GRIA1: variants seen among roughly 807,000 people sequenced by gnomAD.
The protein encoded by GRIA1 is glutamate receptor 1.
In GRIA1, 31 loss-of-function variants were observed where a neutral mutation model predicts 99.2. The observed-to-expected ratio is 0.31, with a 90% CI of 0.23 to 0.42. The LOEUF is 0.42. Among genes scored for constraint, GRIA1 ranks in the 10% least tolerant of loss-of-function variants. The pLI is 1.00. For synonymous variants in GRIA1, 438 were observed against 432.4 expected (o/e 1.01, Z -0.16); for missense variants, 782 against 1,157.5 (o/e 0.68, Z 4.71).
At chr5:153,807,400 G>A (rs946707176) in intron 15 of GRIA1, among the ~76,000 whole-genome samples, 3 of 152,232 alleles carry the variant, frequency 2.0e-5, no homozygotes, top group Non-Finnish European at 4.4e-5. Flanking sequence ...AATGCCCAGT[G>A]CTGTCAAGTA....
chr5:153,714,954 C>T (rs1208175189), intron 11 of GRIA1, among the ~76,000 whole-genome samples: 2 of 152,220 alleles, frequency 1.3e-5, no homozygotes, highest in East Asian at 1.9e-4. Flanking sequence ...GAAGGAGAAA[C>T]GGCCTCAAAA....
chr5:153,524,829 TGTAATATA>T (rs1757459788), intron 2 of GRIA1, among the ~76,000 whole-genome samples: 1 of 152,218 alleles, frequency 6.6e-6, no homozygotes, highest in Non-Finnish European at 1.5e-5. Context: ...CCAGTGAACC[TGTAATATA>T]GTAAGATCCT....
chr5:153,523,587 C>T (rs1051991079), intron 2 of GRIA1, among the ~76,000 whole-genome samples: 5 of 151,984 alleles, frequency 3.3e-5, no homozygotes, highest in African/African-American at 1.2e-4. Context: ...TCATATTGAT[C>T]TAAATTTCAG....
At chr5:153,564,372 T>A (rs1002737104) in intron 2 of GRIA1, among the ~76,000 whole-genome samples, 1 of 152,164 alleles carries the variant, frequency 6.6e-6, no homozygotes, top group Non-Finnish European at 1.5e-5. Flanking sequence ...AAGAACCTGG[T>A]ATTTGGAATC....
At chr5:153,684,933 G>C (rs1757239266) in intron 7 of GRIA1, among the ~76,000 whole-genome samples, 1 of 152,018 alleles carries the variant, frequency 6.6e-6, no homozygotes, top group Admixed American at 6.6e-5. Context: ...TGACAAGAGG[G>C]TCAACCTCGA....
chr5:153,782,459 G>T (rs1561856905), intron 13 of GRIA1, among the ~76,000 whole-genome samples: 1 of 152,128 alleles, frequency 6.6e-6, no homozygotes, highest in South Asian at 2.1e-4. Flanking sequence ...TAGGAATGTT[G>T]TCACATATTC....
At chr5:153,690,929 C>G (rs1485267191) in intron 8 of GRIA1, among the ~76,000 whole-genome samples, 1 of 152,140 alleles carries the variant, frequency 6.6e-6, no homozygotes, top group Non-Finnish European at 1.5e-5. Context: ...CAAGGGTGAC[C>G]TAGTTGTACT....
At chr5:153,595,724 A>G (rs1243071036) in intron 2 of GRIA1, among the ~76,000 whole-genome samples, 1 of 148,490 alleles carries the variant, frequency 6.7e-6, no homozygotes. Flanking sequence ...AAAAAGCAAG[A>G]TATGAGTTAA....
At chr5:153,573,446 T>C (rs1278890598) in intron 2 of GRIA1, among the ~76,000 whole-genome samples, 1 of 152,218 alleles carries the variant, frequency 6.6e-6, no homozygotes, top group Non-Finnish European at 1.5e-5. Flanking sequence ...GTTTCCAATA[T>C]GTAGTCAGCA....
Position 153,665,643 on chromosome 5 carries a change from T to C in GRIA1, c.700-8857T>C, listed in dbSNP as rs62384414. Reference sequence around the variant, plus strand: ...ACACATATCCATATTCATGCGCACATACCTGTGTGATCATAGAATTGTAGA... The same window carrying C: ...ACACATATCCATATTCATGCGCACACACCTGTGTGATCATAGAATTGTAGA... On this transcript the variant is annotated intron_variant, in intron 5 of 15. Coordinates refer to ENST00000285900, the MANE Select transcript of GRIA1 (RefSeq NM_000827.4). 1.9e-3 allele frequency among the ~76,000 whole-genome samples: 296 copies of C among 152,334 alleles called. 1 individual carries two copies. The highest frequency in any genetic ancestry group is 3.4e-3 in the Middle Eastern group (1 of 294).
chr5:153,756,982 G>A (rs1762875130), intron 11 of GRIA1, among the ~76,000 whole-genome samples: 1 of 152,064 alleles, frequency 6.6e-6, no homozygotes, highest in African/African-American at 2.4e-5. Context: ...CACCAATGAG[G>A]GACCCTAAAG....
chr5:153,711,958 C>T (rs1181691561), intron 11 of GRIA1, among the ~76,000 whole-genome samples: 1 of 152,182 alleles, frequency 6.6e-6, no homozygotes, highest in Non-Finnish European at 1.5e-5. Context: ...GATAATTACT[C>T]TCAGGAGAAG....
intron 2 of GRIA1, among the ~76,000 whole-genome samples, chr5:153,538,395 G>A (rs1561622836): frequency 6.6e-6 from 1 of 152,124 alleles, no homozygotes; most frequent in African/African-American, 2.4e-5. Context: ...GAAGCAATGT[G>A]AAACAAAGAC....
intron 2 of GRIA1, among the ~76,000 whole-genome samples, chr5:153,637,858 G>A (rs2910263): frequency 0.45 from 67,766 of 152,042 alleles, 17,188 homozygotes; most frequent in Non-Finnish European, 0.58. Flanking sequence ...TAACAGCACC[G>A]TGCAATTTTC....
intron 2 of GRIA1, among the ~76,000 whole-genome samples, chr5:153,518,274 CTACT>C (rs149368509): frequency 0.12 from 18,444 of 152,032 alleles, 1,247 homozygotes; most frequent in African/African-American, 0.19. Context: ...CCCATTTTGC[CTACT>C]TACTTGTATT....
chr5:153,733,943 T>C (rs540640721), intron 11 of GRIA1, among the ~76,000 whole-genome samples: 6 of 152,290 alleles, frequency 3.9e-5, no homozygotes, highest in Non-Finnish European at 7.4e-5. Context: ...CAACAATGGA[T>C]AACTTATCCA....
intron 7 of GRIA1, among the ~76,000 whole-genome samples, 189 bp from the exon 8 acceptor site, chr5:153,686,036 T>C (rs1230318945): frequency 3.3e-5 from 5 of 152,104 alleles, no homozygotes; most frequent in Non-Finnish European, 5.9e-5. Flanking sequence ...GAATCCCAAT[T>C]TAGGGAAAAG....
chr5:153,734,276 C>T (rs1034177315), intron 11 of GRIA1, among the ~76,000 whole-genome samples: 3 of 152,162 alleles, frequency 2.0e-5, no homozygotes, highest in Non-Finnish European at 4.4e-5. Flanking sequence ...AGCAGGTGCT[C>T]AATAAGTATT....
intron 11 of GRIA1, among the ~76,000 whole-genome samples, chr5:153,714,112 T>C (rs1759505418): frequency 6.6e-6 from 1 of 151,318 alleles, no homozygotes; most frequent in Non-Finnish European, 1.5e-5. Context: ...AGCATAGGAG[T>C]GGAAGTCAGC....
Sources: gnomAD v4.1 joint callset for allele counts (sites outside exome capture counted in the v4.1 genomes callset) on GRCh38, gnomAD v4.1.1 for gene constraint, MANE v1.5 for transcripts, NCBI Gene and HGNC (gene_info 2026-07-23, HGNC 2026-07-21) for gene names.